The following WBP1L variants were observed in gnomAD, a reference collection of about 807,000 sequenced individuals.
WBP1L encodes the protein WW domain binding protein 1 like.
WBP1L carries 17 observed loss-of-function variants against 33.7 expected under a neutral mutation model. The observed-to-expected ratio is 0.50, with a 90% CI of 0.34 to 0.76. The LOEUF (loss-of-function observed/expected upper bound fraction) is 0.76. WBP1L is among the 30% of genes least tolerant of loss of function. WBP1L has a pLI of 0.01. For synonymous variants in WBP1L, 173 were observed against 190.8 expected, an observed-to-expected ratio of 0.91 and a Z score of 0.77; for missense variants, 389 against 469.4, an observed-to-expected ratio of 0.83 and a Z score of 1.58.
At chr10:102,744,566 T>A (rs753646657) in intron 1 of WBP1L, 3 of 861,340 alleles carry the variant, frequency 3.5e-6, no homozygotes, top group Middle Eastern at 5.9e-4. Flanking sequence ...TGAGGATATT[T>A]CTTTAAGGAT....
chr10:102,798,325 G>C (rs1843602543), intron 2 of WBP1L, among the ~76,000 whole-genome samples: 1 of 152,196 alleles, frequency 6.6e-6, no homozygotes, highest in African/African-American at 2.4e-5. Context: ...CAGGTCTGCT[G>C]CAGAAGCTCT....
intron 1 of WBP1L, among the ~76,000 whole-genome samples, chr10:102,768,690 GTTT>G (rs1249703194): frequency 8.4e-5 from 1 of 11,844 alleles, no homozygotes; most frequent in Non-Finnish European, 1.6e-4. Context: ...CGCCCGGCCA[GTTT>G]TTTTTTTTTT....
intron 1 of WBP1L, among the ~76,000 whole-genome samples, chr10:102,750,002 G>T (rs998828763): frequency 1.3e-5 from 2 of 151,166 alleles, no homozygotes; most frequent in Non-Finnish European, 2.9e-5. Context: ...GGCTGGTCTC[G>T]AACTCCTGAC....
At chr10:102,810,175 C>T in intron 3 of WBP1L, 121 bp downstream of exon 3, 1 of 1,304,612 alleles carries the variant, frequency 7.7e-7, no homozygotes, top group Non-Finnish European at 1.0e-6. Flanking sequence ...CTCCCTGCCC[C>T]TCCGTAGAGC....
chr10:102,800,953 A>G (rs1449004458), intron 2 of WBP1L, among the ~76,000 whole-genome samples: 1 of 152,172 alleles, frequency 6.6e-6, no homozygotes, highest in African/African-American at 2.4e-5. Flanking sequence ...AGTTGCCTAC[A>G]GGAAAGGCCT....
chr10:102,788,755 A>G (rs1356985430), intron 1 of WBP1L, among the ~76,000 whole-genome samples: 1 of 152,136 alleles, frequency 6.6e-6, no homozygotes, highest in Non-Finnish European at 1.5e-5. Flanking sequence ...ATGGAAGGAA[A>G]GTTTGTTTTG....
intron 1 of WBP1L, among the ~76,000 whole-genome samples, chr10:102,747,127 G>T (rs1259208028): frequency 2.0e-5 from 3 of 152,142 alleles, no homozygotes; most frequent in African/African-American, 4.8e-5. Context: ...ACTTTGGGAG[G>T]CCAAGGCAGG....
intron 1 of WBP1L, among the ~76,000 whole-genome samples, chr10:102,794,489 A>G (rs1843546175): frequency 6.6e-6 from 1 of 152,124 alleles, no homozygotes; most frequent in African/African-American, 2.4e-5. Context: ...CCCCACCCCC[A>G]CAAAAGAAAA....
intron 1 of WBP1L, among the ~76,000 whole-genome samples, chr10:102,775,481 A>AAT (rs1222013147): frequency 2.0e-5 from 3 of 152,216 alleles, no homozygotes; most frequent in African/African-American, 7.2e-5. Context: ...AGTTGGTTTA[A>AAT]ATATAGATGA....
At chr10:102,756,165 C>T (rs1227854253) in intron 1 of WBP1L, among the ~76,000 whole-genome samples, 1 of 152,040 alleles carries the variant, frequency 6.6e-6, no homozygotes, top group African/African-American at 2.4e-5. Flanking sequence ...GTAATCCCAG[C>T]ACTTTGGGAG....
chr10:102,783,602 A>G (rs1843368038), intron 1 of WBP1L, among the ~76,000 whole-genome samples: 1 of 152,238 alleles, frequency 6.6e-6, no homozygotes, highest in African/African-American at 2.4e-5. Flanking sequence ...TGGCTAAAAC[A>G]GGGGCTCTAA....
chr10:102,759,812 C>T (rs1051963871), intron 1 of WBP1L, among the ~76,000 whole-genome samples: 4 of 152,188 alleles, frequency 2.6e-5, no homozygotes, highest in Admixed American at 2.6e-4. Flanking sequence ...ACTACAGGCA[C>T]ATGCCACTCT....
At chr10:102,765,272 C>A (rs1329138841) in intron 1 of WBP1L, among the ~76,000 whole-genome samples, 1 of 152,136 alleles carries the variant, frequency 6.6e-6, no homozygotes, top group African/African-American at 2.4e-5. Flanking sequence ...GGATCTTGCA[C>A]AGGCTGGAGT....
chr10:102,784,965 C>T (rs943169190), intron 1 of WBP1L, among the ~76,000 whole-genome samples: 1 of 151,728 alleles, frequency 6.6e-6, no homozygotes, highest in East Asian at 2.0e-4. Flanking sequence ...CAACCTCCGC[C>T]TCCAGGTTCA....
In WBP1L at chr10:102,809,799, G is replaced by A. The variant is rs1006964318; in HGVS notation, c.194-94G>A. 15 of 1,416,738 alleles carry A rather than the reference G, an allele frequency of 1.1e-5. No homozygotes were observed. The South Asian group carries it at 1.3e-4, about 12-fold the overall frequency. 87.8% of individuals were successfully genotyped at this position (1,416,738 alleles called of 1,614,324 possible). On this transcript the variant is annotated intron_variant, in intron 2 of 3. Transcript: ENST00000448841. Reference sequence around the variant, plus strand: ...GCCCAGCCATGCCAGCTTCAACCACGTGGGCACCGTCCAGGGACCTCCCTG... The same window carrying A: ...GCCCAGCCATGCCAGCTTCAACCACATGGGCACCGTCCAGGGACCTCCCTG...
intron 1 of WBP1L, among the ~76,000 whole-genome samples, chr10:102,746,336 A>G (rs959495605): frequency 1.3e-5 from 2 of 152,182 alleles, no homozygotes; most frequent in African/African-American, 2.4e-5. Flanking sequence ...ACTGACCAAC[A>G]GCTGTTACAC....
At chr10:102,796,611 C>T (rs960676788) in intron 1 of WBP1L, among the ~76,000 whole-genome samples, 12 of 152,156 alleles carry the variant, frequency 7.9e-5, no homozygotes, top group African/African-American at 2.4e-4. Flanking sequence ...CCTGAGTTGC[C>T]GCAAATACTG....
chr10:102,769,618 A>G (rs1328064223), intron 1 of WBP1L, among the ~76,000 whole-genome samples: 2 of 152,140 alleles, frequency 1.3e-5, no homozygotes, highest in African/African-American at 2.4e-5. Context: ...GGAAGTGACG[A>G]TTAATATCAA....
At chr10:102,774,989 C>T (rs914546927) in intron 1 of WBP1L, among the ~76,000 whole-genome samples, 1 of 151,866 alleles carries the variant, frequency 6.6e-6, no homozygotes, top group African/African-American at 2.4e-5. Context: ...GTAGCACGTG[C>T]CTGTGGTACC....
Sources: gnomAD v4.1 joint callset for allele counts (sites outside exome capture counted in the v4.1 genomes callset) on GRCh38, gnomAD v4.1.1 for gene constraint, MANE v1.5 for transcripts, NCBI Gene and HGNC (gene_info 2026-07-23, HGNC 2026-07-21) for gene names.